KSR2: variants seen among roughly 807,000 people sequenced by gnomAD.
The protein encoded by KSR2 is kinase suppressor of ras 2.
Under a neutral mutation model 107.8 loss-of-function variants are expected in KSR2, and 25 were observed. That is an observed-to-expected ratio of 0.23 (90% CI 0.17 to 0.32). The LOEUF is 0.32. Among genes scored for constraint, KSR2 ranks in the 10% least tolerant of loss-of-function variants. The pLI is 1.00. For missense variants in KSR2, 887 were observed against 1,268.9 expected (o/e 0.70, Z 4.57); for synonymous variants, 480 against 507.0 (o/e 0.95, Z 0.71).
intron 5 of KSR2, among the ~76,000 whole-genome samples, chr12:117,663,170 G>C (rs1884511911): frequency 6.6e-6 from 1 of 152,202 alleles, no homozygotes. Context: ...AGCATGTTCA[G>C]TTCCCTACCT....
At chr12:117,832,601 C>CA (rs1892019531) in intron 3 of KSR2, among the ~76,000 whole-genome samples, 1 of 152,212 alleles carries the variant, frequency 6.6e-6, no homozygotes, top group Non-Finnish European at 1.5e-5. Context: ...GAGGTCAGGC[C>CA]AGTAGCTGCC....
chr12:117,627,334 G>A (rs1882573301), intron 5 of KSR2, among the ~76,000 whole-genome samples: 1 of 152,116 alleles, frequency 6.6e-6, no homozygotes, highest in African/African-American at 2.4e-5. Context: ...TGCAGTGGCT[G>A]GTACCAGTTA....
At chr12:117,865,425 A>G (rs990133259) in intron 1 of KSR2, among the ~76,000 whole-genome samples, 5 of 152,218 alleles carry the variant, frequency 3.3e-5, no homozygotes, top group Non-Finnish European at 5.9e-5. Context: ...TCATTATTCT[A>G]TATCTATGTA....
intron 5 of KSR2, among the ~76,000 whole-genome samples, chr12:117,645,902 TG>T: frequency 6.6e-6 from 1 of 150,872 alleles, no homozygotes; most frequent in South Asian, 2.1e-4. Context: ...TGTGTGTGTG[TG>T]TGTGTGTGTG....
chr12:117,766,628 C>A (rs1484940217), intron 3 of KSR2, among the ~76,000 whole-genome samples: 3 of 151,962 alleles, frequency 2.0e-5, no homozygotes, highest in Non-Finnish European at 4.4e-5. Flanking sequence ...AGTGCAGGAG[C>A]ATACAGGGCA....
intron 1 of KSR2, among the ~76,000 whole-genome samples, chr12:117,940,777 A>T (rs965939934): frequency 2.0e-5 from 3 of 152,048 alleles, no homozygotes; most frequent in African/African-American, 4.8e-5. Context: ...TGTGTGAAAA[A>T]TTTCACACTT....
intron 7 of KSR2, among the ~76,000 whole-genome samples, chr12:117,576,216 T>C (rs1415784949): frequency 6.6e-6 from 1 of 152,212 alleles, no homozygotes; most frequent in Non-Finnish European, 1.5e-5. Flanking sequence ...TCTAATTACC[T>C]GCCTTCAAAG....
At chr12:117,884,977 C>T (rs895795537) in intron 1 of KSR2, among the ~76,000 whole-genome samples, 1 of 152,204 alleles carries the variant, frequency 6.6e-6, no homozygotes. Context: ...CACCGACACG[C>T]AGCAGGTAAC....
chr12:117,626,541 C>G (rs970001868), intron 5 of KSR2, among the ~76,000 whole-genome samples: 3 of 152,192 alleles, frequency 2.0e-5, no homozygotes, highest in Admixed American at 2.0e-4. Context: ...ATCCTGAGTT[C>G]TAATTTGATT....
intron 4 of KSR2, among the ~76,000 whole-genome samples, chr12:117,719,724 GT>G (rs2136683428): frequency 6.6e-6 from 1 of 152,318 alleles, no homozygotes; most frequent in Non-Finnish European, 1.5e-5. Context: ...GAGTTTGCAA[GT>G]TCTGCAAAAT....
rs554532679 is a variant in KSR2 at position 117,824,532 on chromosome 12, C to G, written c.472+30896G>C. On this transcript the variant is annotated intron_variant, in intron 3 of 19. Coordinates refer to ENST00000339824, the MANE Select transcript of KSR2 (RefSeq NM_173598.6). Reference sequence around the variant, plus strand: ...GTCACATGTACCCTGAAATTATGTACACTTATTATGCATTAATAAAAAATT... The same window carrying G: ...GTCACATGTACCCTGAAATTATGTAGACTTATTATGCATTAATAAAAAATT... Among the ~76,000 whole-genome samples the G allele has an allele frequency of 1.6e-3, 243 of 152,140 alleles. 1 individual carries two copies. The highest frequency in any genetic ancestry group is 5.7e-3 in the African/African-American group (235 of 41,510).
chr12:117,780,357 A>G (rs991160473), intron 3 of KSR2, among the ~76,000 whole-genome samples: 2 of 152,252 alleles, frequency 1.3e-5, no homozygotes, highest in African/African-American at 4.8e-5. Flanking sequence ...ATATATCCAT[A>G]TAGCAGATTA....
At chr12:117,658,655 T>G (rs565280021) in intron 5 of KSR2, among the ~76,000 whole-genome samples, 2 of 152,228 alleles carry the variant, frequency 1.3e-5, no homozygotes, top group South Asian at 4.1e-4. Flanking sequence ...ACATGGAAGA[T>G]AGGGCATCAT....
intron 1 of KSR2, among the ~76,000 whole-genome samples, chr12:117,932,737 G>A (rs1817191873): frequency 6.6e-6 from 1 of 151,712 alleles, no homozygotes; most frequent in Admixed American, 6.6e-5. Context: ...AATAGGCCGG[G>A]TGCAGTGGCT....
At chr12:117,930,694 T>A (rs1593379019) in intron 1 of KSR2, among the ~76,000 whole-genome samples, 1 of 152,200 alleles carries the variant, frequency 6.6e-6, no homozygotes, top group East Asian at 1.9e-4. Context: ...GGCAGGTGGG[T>A]CACCTGAGGT....
At chr12:117,857,920 C>T (rs1008881121) in intron 2 of KSR2, among the ~76,000 whole-genome samples, 2 of 152,170 alleles carry the variant, frequency 1.3e-5, no homozygotes, top group African/African-American at 2.4e-5. Context: ...CGTCTTCTCC[C>T]GCCCACTCCC....
chr12:117,521,909 C>T (rs1185500519), intron 14 of KSR2, among the ~76,000 whole-genome samples: 1 of 152,184 alleles, frequency 6.6e-6, no homozygotes, highest in Non-Finnish European at 1.5e-5. Context: ...GTGGACAGTG[C>T]TGAACAGAAA....
rs1247783207 is a variant in KSR2, at chr12:117,467,347, T to C, written c.2847-142A>G. 1.2e-5 allele frequency: 6 copies of C among 512,976 alleles called. No individual in the cohort carries two copies. In the East Asian group the frequency reaches 1.7e-4, roughly 14 times the overall value. 31.8% of individuals were successfully genotyped at this position (512,976 alleles called of 1,614,324 possible). ...CTTCTGCAAGAAGACATGGAAGAGATTTCTGTTAACTGAGTTCTTACTATA... is the reference window on the plus strand; with the variant it reads ...CTTCTGCAAGAAGACATGGAAGAGACTTCTGTTAACTGAGTTCTTACTATA... On this transcript the variant is annotated intron_variant, in intron 19 of 19. Coordinates refer to ENST00000339824, the MANE Select transcript of KSR2 (RefSeq NM_173598.6).
intron 4 of KSR2, among the ~76,000 whole-genome samples, chr12:117,724,069 G>C (rs971541156): frequency 6.6e-6 from 1 of 152,100 alleles, no homozygotes; most frequent in Non-Finnish European, 1.5e-5. Context: ...CATTTTGGGA[G>C]ACTGAGGTGG....
Sources: allele counts gnomAD v4.1 joint callset (sites outside exome capture counted in the v4.1 genomes callset), GRCh38; gene constraint gnomAD v4.1.1; transcripts MANE v1.5; gene names NCBI Gene and HGNC (gene_info 2026-07-23, HGNC 2026-07-21).